DSTYK: variants seen among roughly 807,000 people sequenced by gnomAD.
The protein encoded by DSTYK is dual serine/threonine and tyrosine protein kinase.
Under a neutral mutation model 98.7 loss-of-function variants are expected in DSTYK, and 34 were observed. The observed-to-expected ratio is 0.34, with a 90% CI of 0.26 to 0.46. DSTYK has a LOEUF of 0.46. DSTYK is among the 20% of genes least tolerant of loss of function. DSTYK has a pLI of 1.00. For missense variants in DSTYK, 962 were observed against 1,181.7 expected (o/e 0.81, Z 2.73); for synonymous variants, 462 against 457.3 (o/e 1.01, Z -0.13).
Position 205,169,909 on chromosome 1 carries a change from G to C in DSTYK, c.655-77C>G. The C allele has an allele frequency of 7.2e-7, 1 of 1,381,180 alleles. No individual in the cohort carries two copies. The highest frequency in any genetic ancestry group is 1.4e-5 in the South Asian group (1 of 71,724). 85.6% of individuals were successfully genotyped at this position (1,381,180 alleles called of 1,614,324 possible). On this transcript the variant is annotated intron_variant, in intron 2 of 12. Transcript: ENST00000367162. The surrounding 1 kb of genome is among the most constrained non-coding windows in gnomAD (Gnocchi z 4.0). The stretch of plus-strand genomic sequence containing the variant: ...CTGTCTCCCCAAAGTCCCACACTGA[G>C]ACCAAAATCCTGATCTACAATGGAA...
In DSTYK at chr1:205,169,344, C is replaced by T. The variant is rs761825543; in HGVS notation, c.1143G>A (p.Gln381=). ...DIFINQAFDM[Q]RDLQITPKRL... ...GTTTGGGAGTGATCTGCAGGTCCCG[C>T]TGCATGTCAAATGCCTGGTTAATAA... is the stretch of plus-strand genomic sequence containing the variant. Residue 381 remains glutamine (Q), a synonymous_variant, in exon 3 of 13, where the codon CAG becomes CAA. Transcript: ENST00000367162. The surrounding 1 kb of genome is among the most constrained non-coding windows in gnomAD (Gnocchi z 4.0). The T allele has an allele frequency of 1.2e-6, 2 of 1,614,158 alleles. No homozygotes were observed. The highest frequency in any genetic ancestry group is 3.3e-5 in the Admixed American group (2 of 59,998).
At chr1:205,191,766 AGACT>A (rs1466411653) in intron 1 of DSTYK, among the ~76,000 whole-genome samples, 2 of 152,256 alleles carry the variant, frequency 1.3e-5, no homozygotes, top group African/African-American at 4.8e-5. Context: ...TAAAAGCTGT[AGACT>A]GACAGTAGGA....
chr1:205,189,252 G>A (rs1374606437), intron 1 of DSTYK, among the ~76,000 whole-genome samples: 1 of 152,184 alleles, frequency 6.6e-6, no homozygotes, highest in Non-Finnish European at 1.5e-5. Flanking sequence ...GACAGAACAA[G>A]CTTCCTAAAG....
intron 1 of DSTYK, among the ~76,000 whole-genome samples, chr1:205,196,446 A>G (rs1658868037): frequency 1.3e-5 from 2 of 152,106 alleles, no homozygotes; most frequent in African/African-American, 4.8e-5. Context: ...AGTCCCAGAT[A>G]CTAGGGAGGC....
intron 1 of DSTYK, 95 bp from the exon 2 acceptor site, chr1:205,187,901 G>A: frequency 1.6e-6 from 2 of 1,240,432 alleles, no homozygotes; most frequent in South Asian, 1.6e-5. Flanking sequence ...AATCCCATGA[G>A]GAAGACAAGG....
At chr1:205,170,391 T>G (rs1185859598) in intron 2 of DSTYK, among the ~76,000 whole-genome samples, 3 of 152,160 alleles carry the variant, frequency 2.0e-5, no homozygotes, top group Non-Finnish European at 4.4e-5. Context: ...CTTCTTAAGG[T>G]TCAACATATT....
At chr1:205,184,186 G>A (rs1391530186) in intron 2 of DSTYK, among the ~76,000 whole-genome samples, 2 of 151,878 alleles carry the variant, frequency 1.3e-5, no homozygotes, top group East Asian at 1.9e-4. Context: ...TCAGATACGC[G>A]CTTGGGGGGA....
intron 11 of DSTYK, among the ~76,000 whole-genome samples, chr1:205,148,557 G>A (rs1373318067): frequency 2.0e-5 from 3 of 152,188 alleles, no homozygotes; most frequent in Non-Finnish European, 4.4e-5. Context: ...TACTAAGAGA[G>A]CCAAGCCTAG....
intron 4 of DSTYK, among the ~76,000 whole-genome samples, chr1:205,163,369 A>G (rs34427020): frequency 0.51 from 76,912 of 151,822 alleles, 21,925 homozygotes; most frequent in Non-Finnish European, 0.64. Context: ...ACAGGCATGC[A>G]CCACCACGCC....
At position 205,147,740 on chromosome 1, in the gene DSTYK, G is replaced by A. The variant is rs145326928; in HGVS notation, c.2608C>T (p.Arg870Cys). 1.4e-5 allele frequency: 23 copies of A among 1,612,108 alleles called. No individual in the cohort carries two copies. The highest frequency in any genetic ancestry group is 1.8e-5 in the Non-Finnish European group (21 of 1,178,548). ...HLWNNVRRGARPERLPVFDEE... is the reference protein window; with the variant it reads ...HLWNNVRRGACPERLPVFDEE... ...TCAAACACAGGAAGACGTTCTGGGC[G>A]AGCCCCTAGAGAAAGGAGCATGGAA... Residue 870 changes from arginine to cysteine, a missense_variant, in exon 13 of 13, where the codon CGC (arginine) becomes TGC (cysteine). Arg to Cys is a radical substitution (Grantham distance 180). This residue lies in a region of DSTYK where 69 missense variants were observed against 142.9 expected (regional missense o/e 0.48). Transcript: ENST00000367162.
intron 2 of DSTYK, among the ~76,000 whole-genome samples, chr1:205,176,985 C>T (rs1024114439): frequency 6.6e-6 from 1 of 151,870 alleles, no homozygotes; most frequent in Non-Finnish European, 1.5e-5. Flanking sequence ...CTGGAAGATC[C>T]CCTTGAGCCC....
At chr1:205,167,123 T>C (rs1160453343) in intron 3 of DSTYK, among the ~76,000 whole-genome samples, 1 of 152,170 alleles carries the variant, frequency 6.6e-6, no homozygotes, top group Non-Finnish European at 1.5e-5. Context: ...GGGCTAGGTG[T>C]GATGGCTCAT....
intron 9 of DSTYK, 29 bp from the exon 10 acceptor site, chr1:205,157,415 A>T: frequency 6.3e-7 from 1 of 1,578,340 alleles, no homozygotes; most frequent in Non-Finnish European, 8.7e-7. Context: ...CTTACTTGTC[A>T]TGATAAGGCA....
At chr1:205,160,816 T>C (rs1018914983) in intron 7 of DSTYK, among the ~76,000 whole-genome samples, 1 of 151,850 alleles carries the variant, frequency 6.6e-6, no homozygotes, top group African/African-American at 2.4e-5. Context: ...AGAGTCTTGC[T>C]CTGTCACCCA....
chr1:205,159,993 G>T, intron 8 of DSTYK, 121 bp downstream of exon 8: 2 of 1,208,196 alleles, frequency 1.7e-6, no homozygotes, highest in Non-Finnish European at 2.4e-6. Context: ...GCACATGTCT[G>T]TTAGACACAG....
At chr1:205,158,679 C>T (rs1657628109) in intron 9 of DSTYK, among the ~76,000 whole-genome samples, 1 of 152,208 alleles carries the variant, frequency 6.6e-6, no homozygotes, top group South Asian at 2.1e-4. Context: ...CCTTCGAATG[C>T]TCTAGGCATT....
chr1:205,175,999 A>G (rs1247612494), intron 2 of DSTYK, among the ~76,000 whole-genome samples: 1 of 152,228 alleles, frequency 6.6e-6, no homozygotes, highest in Non-Finnish European at 1.5e-5. Flanking sequence ...AGCAATGAGT[A>G]AGCATTTTGC....
At position 205,148,357 on chromosome 1, in the gene DSTYK, T is replaced by A; in HGVS notation, c.2468-18A>T. On this transcript the variant is annotated intron_variant, in intron 11 of 12. Coordinates refer to ENST00000367162, the MANE Select transcript of DSTYK (RefSeq NM_015375.3). ...GTACTTCCCTGATGGCAAGAAAGGA[T>A]GAAACGTAATGAGCCACAGAGAGTC... 2 of 1,612,196 alleles carry A rather than the reference T, an allele frequency of 1.2e-6. No individual in the cohort carries two copies. Among genetic ancestry groups the A allele is most frequent in the Non-Finnish European group, 1.7e-6 (2 of 1,179,924 alleles).
intron 2 of DSTYK, 45 bp downstream of exon 2, chr1:205,187,373 C>T: frequency 1.3e-6 from 2 of 1,524,990 alleles, no homozygotes; most frequent in Non-Finnish European, 1.8e-6. Context: ...AAAAGGAAAG[C>T]TGGTATATAT....
Sources: allele counts gnomAD v4.1 joint callset (sites outside exome capture counted in the v4.1 genomes callset), GRCh38; gene constraint gnomAD v4.1.1; regional missense constraint gnomAD v4.1.1; non-coding constraint Gnocchi (gnomAD v3.1); transcripts MANE v1.5; gene names NCBI Gene and HGNC (gene_info 2026-07-23, HGNC 2026-07-21).